The following ABTB3 variants were observed in gnomAD, a reference collection of about 807,000 sequenced individuals.
The protein encoded by ABTB3 is ankyrin repeat and BTB domain containing 3.
the ABTB3 span, among the ~76,000 whole-genome samples, chr12:107,474,257 T>C: frequency 6.6e-6 from 1 of 152,126 alleles, no homozygotes; most frequent in African/African-American, 2.4e-5. Flanking sequence ...CCCGTGTTTA[T>C]TGAGCATGGA....
At chr12:107,550,644 G>A in the ABTB3 span, among the ~76,000 whole-genome samples, 6 of 148,210 alleles carry the variant, frequency 4.0e-5, no homozygotes, top group Non-Finnish European at 5.9e-5. Context: ...GCAGTGGCGT[G>A]ATTTCGGCTC....
the ABTB3 span, among the ~76,000 whole-genome samples, chr12:107,338,988 G>C: frequency 6.6e-6 from 1 of 152,144 alleles, no homozygotes; most frequent in Non-Finnish European, 1.5e-5. Context: ...ACAGCACTCA[G>C]CTTATCAGAG....
At chr12:107,508,435 TTTC>T in the ABTB3 span, among the ~76,000 whole-genome samples, 10 of 120,734 alleles carry the variant, frequency 8.3e-5, no homozygotes, top group East Asian at 5.4e-4. Context: ...TCAAAGATCA[TTTC>T]TTTTTTTTTT....
chr12:107,502,658 G>A, the ABTB3 span, among the ~76,000 whole-genome samples: 1 of 152,158 alleles, frequency 6.6e-6, no homozygotes, highest in Non-Finnish European at 1.5e-5. Flanking sequence ...CACAGGAGAA[G>A]GTGAGCAGCG....
chr12:107,399,618 T>C, the ABTB3 span, among the ~76,000 whole-genome samples: 1 of 152,230 alleles, frequency 6.6e-6, no homozygotes, highest in Non-Finnish European at 1.5e-5. Flanking sequence ...ACTACTATGA[T>C]AGCAGCTACG....
chr12:107,386,205 A>G, the ABTB3 span, among the ~76,000 whole-genome samples: 3 of 152,176 alleles, frequency 2.0e-5, no homozygotes, highest in African/African-American at 4.8e-5. Flanking sequence ...TCAGGCCTCA[A>G]TCAATCATCC....
the ABTB3 span, among the ~76,000 whole-genome samples, chr12:107,593,208 AG>A: frequency 1.3e-5 from 2 of 152,206 alleles, no homozygotes; most frequent in African/African-American, 4.8e-5. Flanking sequence ...GTGGGAAAAC[AG>A]CCCCTCCCAC....
At chr12:107,553,121 GAACT>G in the ABTB3 span, among the ~76,000 whole-genome samples, 8 of 152,172 alleles carry the variant, frequency 5.3e-5, no homozygotes, top group Non-Finnish European at 8.8e-5. Flanking sequence ...AGTGACAAAT[GAACT>G]AACTAACATA....
At chr12:107,319,946 C>G in the ABTB3 span, 31 of 1,566,860 alleles carry the variant, frequency 2.0e-5, no homozygotes, top group East Asian at 7.6e-4. Context: ...CCACCATCAC[C>G]ACCACCATGC....
chr12:107,642,293 T>C, the ABTB3 span: 7 of 828,786 alleles, frequency 8.4e-6, no homozygotes, highest in East Asian at 1.3e-4. Context: ...GTCAGTCTCC[T>C]GAACTCCCGG....
the ABTB3 span, among the ~76,000 whole-genome samples, chr12:107,372,596 C>A: frequency 2.6e-5 from 4 of 152,150 alleles, no homozygotes; most frequent in African/African-American, 9.7e-5. Flanking sequence ...TACAACCATT[C>A]GCCTCTGTGC....
the ABTB3 span, among the ~76,000 whole-genome samples, chr12:107,605,778 C>T: frequency 6.6e-5 from 10 of 152,180 alleles, no homozygotes. Context: ...AACTGGATAT[C>T]TCAGAGATGG....
the ABTB3 span, among the ~76,000 whole-genome samples, chr12:107,409,108 TTCTGTCTC>T: frequency 2.0e-5 from 3 of 152,194 alleles, no homozygotes; most frequent in African/African-American, 7.2e-5. Flanking sequence ...CTTCCCTCTC[TTCTGTCTC>T]TCTGTGTCTC....
the ABTB3 span, among the ~76,000 whole-genome samples, chr12:107,533,665 T>C: frequency 6.6e-6 from 1 of 152,170 alleles, no homozygotes; most frequent in East Asian, 1.9e-4. Flanking sequence ...TTTACTGCAA[T>C]ACAATAATAG....
chr12:107,380,116 G>A, the ABTB3 span, among the ~76,000 whole-genome samples: 1 of 152,202 alleles, frequency 6.6e-6, no homozygotes, highest in African/African-American at 2.4e-5. Flanking sequence ...TACAGCAGTA[G>A]AGGTTCTCAG....
the ABTB3 span, among the ~76,000 whole-genome samples, chr12:107,347,450 C>G: frequency 6.6e-6 from 1 of 151,334 alleles, no homozygotes; most frequent in African/African-American, 2.4e-5. Flanking sequence ...AAGGGCTCAG[C>G]TGGCAGTTCA....
the ABTB3 span, chr12:107,318,888 C>CGCCGCTCCTT: frequency 6.6e-7 from 1 of 1,513,386 alleles, no homozygotes; most frequent in Non-Finnish European, 8.9e-7. Flanking sequence ...CGCTGCTCCT[C>CGCCGCTCCTT]GCCGCTCCTT....
At chr12:107,641,034 C>A in the ABTB3 span, among the ~76,000 whole-genome samples, 1 of 152,048 alleles carries the variant, frequency 6.6e-6, no homozygotes, top group Admixed American at 6.5e-5. Context: ...GAATACCAAG[C>A]GTCCCAGCTG....
the ABTB3 span, among the ~76,000 whole-genome samples, chr12:107,522,005 G>C: frequency 6.6e-6 from 1 of 152,004 alleles, no homozygotes; most frequent in Non-Finnish European, 1.5e-5. Context: ...GGTTCTAGGG[G>C]CTGGGAAGTC....
Sources: gnomAD v4.1 joint callset for allele counts (sites outside exome capture counted in the v4.1 genomes callset) on GRCh38, gnomAD v4.1.1 for gene constraint, MANE v1.5 for transcripts, NCBI Gene and HGNC (gene_info 2026-07-23, HGNC 2026-07-21) for gene names.